AOX1: variants seen among roughly 807,000 people sequenced by gnomAD.
The protein encoded by AOX1 is aldehyde oxidase.
A neutral mutation model predicts 169.5 loss-of-function variants in AOX1; 153 were observed. The ratio of observed to expected loss-of-function variants is 0.90; its 90% CI spans 0.79 to 1.03. AOX1 has a LOEUF of 1.03. AOX1 is among the 50% of genes least tolerant of loss of function. The pLI, the probability that AOX1 is intolerant of heterozygous loss-of-function variation, is 0.00. For missense variants in AOX1, 1,656 were observed against 1,663.9 expected (o/e 1.00, Z 0.08); for synonymous variants, 562 against 581.9 (o/e 0.97, Z 0.49).
rs1388362840 is a variant in AOX1, at chr2:200,641,168, T to G, written c.2639T>G (p.Leu880Trp). ...CATTACAGCAATGCAGGCGCCTCCT[T>G]GGATGAATCATTATTCGTAAGTGTT... ...MEHYSNAGAS[L>W]DESLFVIEMG... Residue 880 changes from leucine (L) to tryptophan (W), a missense_variant, in exon 24 of 35, where the codon TTG (leucine) becomes TGG (tryptophan). By Grantham distance (61) the Leu-to-Trp change is moderately conservative (BLOSUM62 -2). Transcript: ENST00000374700. 2 of 1,611,328 alleles carry G rather than the reference T, an allele frequency of 1.2e-6. No individual in the cohort carries two copies. The highest frequency in any genetic ancestry group is 1.7e-6 in the Non-Finnish European group (2 of 1,177,528).
At chr2:200,628,052 ATAGT>A (rs1420090817) in intron 20 of AOX1, among the ~76,000 whole-genome samples, 1 of 152,090 alleles carries the variant, frequency 6.6e-6, no homozygotes, top group Non-Finnish European at 1.5e-5. Flanking sequence ...CTCTTAGAAA[ATAGT>A]TAATTATAGC....
At chr2:200,600,229 A>G (rs530513118) in intron 5 of AOX1, among the ~76,000 whole-genome samples, 88 of 152,302 alleles carry the variant, frequency 5.8e-4, no homozygotes, top group Non-Finnish European at 7.4e-4. Flanking sequence ...TTTTATAATC[A>G]TTAAAAAGCC....
intron 19 of AOX1, among the ~76,000 whole-genome samples, chr2:200,626,924 G>A (rs1389401481): frequency 6.6e-6 from 1 of 152,216 alleles, no homozygotes; most frequent in Non-Finnish European, 1.5e-5. Context: ...AATGATAAGA[G>A]AGGTGAAGTG....
intron 25 of AOX1, among the ~76,000 whole-genome samples, chr2:200,645,241 T>C (rs895927136): frequency 1.3e-5 from 2 of 152,206 alleles, no homozygotes; most frequent in Non-Finnish European, 2.9e-5. Context: ...CATTAAGGTA[T>C]GTCCTTTGTA....
At chr2:200,650,552 G>A (rs1359108063) in intron 25 of AOX1, among the ~76,000 whole-genome samples, 1 of 152,056 alleles carries the variant, frequency 6.6e-6, no homozygotes, top group Admixed American at 6.6e-5. Flanking sequence ...ATATTTAAAC[G>A]AACTTTCATG....
At chr2:200,681,861 T>C (rs112083787), downstream of AOX1, among the ~76,000 whole-genome samples, 4 of 152,170 alleles carry the variant, frequency 2.6e-5, no homozygotes, top group Non-Finnish European at 5.9e-5. Flanking sequence ...TTTGGAAATA[T>C]TACGACTCTA....
In AOX1 at chr2:200,651,574, C is replaced by T. The variant is rs148964580; in HGVS notation, c.3075+373C>T. Reference sequence around the variant, plus strand: ...CCTCCAAGACTCCTCTTCCAGTGTCCGCAATTCGGTGTCGCTGGACCATGA... The same window carrying T: ...CCTCCAAGACTCCTCTTCCAGTGTCTGCAATTCGGTGTCGCTGGACCATGA... On this transcript the variant is annotated intron_variant, in intron 26 of 34. Transcript: ENST00000374700. Among the ~76,000 whole-genome samples, 1,027 of 152,162 alleles carry T rather than the reference C, an allele frequency of 6.7e-3. 7 individuals are homozygous for T. The highest frequency in any genetic ancestry group is 8.6e-3 in the Non-Finnish European group (588 of 68,006).
chr2:200,605,914 T>C (rs1472291862), intron 10 of AOX1, among the ~76,000 whole-genome samples: 1 of 152,204 alleles, frequency 6.6e-6, no homozygotes, highest in Non-Finnish European at 1.5e-5. Flanking sequence ...ATTGCAAAAC[T>C]TTTCTCGCAT....
intron 20 of AOX1, among the ~76,000 whole-genome samples, chr2:200,627,676 C>T (rs1007113878): frequency 6.6e-6 from 1 of 152,072 alleles, no homozygotes; most frequent in African/African-American, 2.4e-5. Context: ...TCTTCCCTGA[C>T]CCCCCTTCCC....
At chr2:200,643,398 C>CATATATAT (rs1553575177) in intron 25 of AOX1, among the ~76,000 whole-genome samples, 1 of 148,892 alleles carries the variant, frequency 6.7e-6, no homozygotes, top group South Asian at 2.1e-4. Context: ...CACACACACA[C>CATATATAT]ATATATATAT....
intron 25 of AOX1, among the ~76,000 whole-genome samples, chr2:200,643,218 GTTTTTA>G (rs1342267404): frequency 1.3e-5 from 2 of 150,912 alleles, no homozygotes; most frequent in African/African-American, 2.4e-5. Flanking sequence ...TAATAGGTTG[GTTTTTA>G]TTTTTATTTA....
At position 200,660,003 on chromosome 2, in the gene AOX1, T is replaced by C. The variant is rs2035789799; in HGVS notation, c.3309T>C (p.Cys1103=). 15 of 1,612,918 alleles carry C rather than the reference T, an allele frequency of 9.3e-6. No homozygotes were observed. Among genetic ancestry groups the C allele is most frequent in the Non-Finnish European group, 1.3e-5 (15 of 1,179,264 alleles). Residue 1103 remains cysteine, a synonymous_variant, in exon 29 of 35, where the codon TGT becomes TGC. Coordinates refer to ENST00000374700, the MANE Select transcript of AOX1 (RefSeq NM_001159.4). The part of the protein sequence containing the change: ...DLNGLAVKDA[C]QTLLKRLEPI... ...TTAAAAATAATCTCTAGGATGCCTGTCAAACTCTTCTAAAACGCCTCGAAC... is the reference window on the plus strand; with the variant it reads ...TTAAAAATAATCTCTAGGATGCCTGCCAAACTCTTCTAAAACGCCTCGAAC...
At chr2:200,672,531 T>C (rs1184960374), downstream of AOX1, among the ~76,000 whole-genome samples, 2 of 152,262 alleles carry the variant, frequency 1.3e-5, no homozygotes, top group Non-Finnish European at 2.9e-5. Flanking sequence ...CAAGTATTTA[T>C]AGAGCATTTT....
chr2:200,643,549 C>G (rs912395421), intron 25 of AOX1, among the ~76,000 whole-genome samples: 6 of 151,996 alleles, frequency 3.9e-5, no homozygotes, highest in Non-Finnish European at 5.9e-5. Context: ...CGAATAACAA[C>G]TTGTTTTCCT....
chr2:200,608,978 T>C lies in AOX1; in HGVS notation c.908-6T>C. On this transcript the variant is annotated splice_polypyrimidine_tract_variant and splice_region_variant and intron_variant, in intron 10 of 34. Coordinates refer to ENST00000374700, the MANE Select transcript of AOX1 (RefSeq NM_001159.4). ...ACTGTGTTATTTACAAATGACTTCATTTCAGGACTCACCCTTGGTGCTGGT... is the reference window on the plus strand; with the variant it reads ...ACTGTGTTATTTACAAATGACTTCACTTCAGGACTCACCCTTGGTGCTGGT... 1.2e-6 allele frequency: 2 copies of C among 1,612,190 alleles called. No individual in the cohort carries two copies. Among genetic ancestry groups the C allele is most frequent in the Non-Finnish European group, 1.7e-6 (2 of 1,179,386 alleles).
At chr2:200,648,928 C>T (rs2035521342) in intron 25 of AOX1, among the ~76,000 whole-genome samples, 1 of 152,082 alleles carries the variant, frequency 6.6e-6, no homozygotes, top group South Asian at 2.1e-4. Flanking sequence ...GTTGGTCTCA[C>T]TCCCAATGTG....
chr2:200,626,327 C>T (rs1272818585), intron 19 of AOX1, among the ~76,000 whole-genome samples: 1 of 152,198 alleles, frequency 6.6e-6, no homozygotes, highest in South Asian at 2.1e-4. Flanking sequence ...AATAGCCCAT[C>T]CCTCTAAGGG....
At chr2:200,587,327 C>G (rs926780004) in intron 1 of AOX1, among the ~76,000 whole-genome samples, 4 of 152,126 alleles carry the variant, frequency 2.6e-5, no homozygotes, top group East Asian at 1.9e-4. Flanking sequence ...CAAGCAAGAG[C>G]AGTGGCACCT....
At chr2:200,589,538 CT>C (rs2034126070) in intron 1 of AOX1, among the ~76,000 whole-genome samples, 1 of 152,132 alleles carries the variant, frequency 6.6e-6, no homozygotes, top group Non-Finnish European at 1.5e-5. Context: ...TCTGTTTTCT[CT>C]TTTGCAAAAT....
Sources: allele counts gnomAD v4.1 joint callset (sites outside exome capture counted in the v4.1 genomes callset), GRCh38; gene constraint gnomAD v4.1.1; transcripts MANE v1.5; gene names NCBI Gene and HGNC (gene_info 2026-07-23, HGNC 2026-07-21).